Variants in GRHL2 observed in about 807,000 individuals in gnomAD.
The protein encoded by GRHL2 is grainyhead-like protein 2 homolog.
GRHL2 carries 21 observed loss-of-function variants against 83.8 expected under a neutral mutation model. The ratio of observed to expected loss-of-function variants is 0.25; its 90% CI spans 0.18 to 0.36. GRHL2 has a LOEUF of 0.36. Ranked by LOEUF, GRHL2 falls within the 10% of genes least tolerant of loss-of-function variation. The probability of loss-of-function intolerance (pLI) is 1.00; values close to 1 mark genes in which losing one functional copy is unlikely to be tolerated. For synonymous variants in GRHL2, 280 were observed against 278.9 expected (o/e 1.00, Z -0.04); for missense variants, 623 against 781.8 (o/e 0.80, Z 2.42).
chr8:101,545,443 G>GA (rs34421761), intron 2 of GRHL2, among the ~76,000 whole-genome samples: 18 of 58,906 alleles, frequency 3.1e-4, no homozygotes, highest in East Asian at 6.1e-4. Flanking sequence ...GGGAATTCCT[G>GA]AAAAAAAAAA....
At chr8:101,537,218 G>A (rs1025922946) in intron 1 of GRHL2, among the ~76,000 whole-genome samples, 3 of 152,148 alleles carry the variant, frequency 2.0e-5, no homozygotes, top group African/African-American at 7.2e-5. Flanking sequence ...AGGATTCTAT[G>A]TAGAAATACA....
intron 1 of GRHL2, among the ~76,000 whole-genome samples, chr8:101,501,554 A>C (rs73701908): frequency 3.4e-4 from 52 of 152,284 alleles, no homozygotes; most frequent in African/African-American, 1.1e-3. Context: ...AACTACTGTT[A>C]AGTTGCCAGT....
intron 8 of GRHL2, among the ~76,000 whole-genome samples, chr8:101,602,757 C>G (rs1005357053): frequency 3.3e-5 from 5 of 152,200 alleles, no homozygotes; most frequent in African/African-American, 1.2e-4. Context: ...CTAGCTTTGG[C>G]GAACATTTGA....
At chr8:101,492,864 T>C (rs1157470638) in intron 1 of GRHL2, 75 bp downstream of exon 1, 2 of 1,329,870 alleles carry the variant, frequency 1.5e-6, no homozygotes, top group African/African-American at 1.4e-5. Context: ...GTTATGTTTT[T>C]GTTTTTAAGT....
chr8:101,531,339 A>G (rs930221786), intron 1 of GRHL2, among the ~76,000 whole-genome samples: 3 of 152,058 alleles, frequency 2.0e-5, no homozygotes, highest in African/African-American at 7.2e-5. Context: ...ACTCATCTGT[A>G]TGAAGGGCAT....
chr8:101,502,576 T>G (rs1215412057), intron 1 of GRHL2, among the ~76,000 whole-genome samples: 1 of 152,208 alleles, frequency 6.6e-6, no homozygotes, highest in Non-Finnish European at 1.5e-5. Flanking sequence ...TAAAATGGGC[T>G]GGCAGGGACG....
At chr8:101,589,034 A>G (rs1398982906) in intron 7 of GRHL2, among the ~76,000 whole-genome samples, 1 of 152,134 alleles carries the variant, frequency 6.6e-6, no homozygotes. Context: ...CTGATTAACC[A>G]CTTTGGGCAG....
At chr8:101,619,462 T>G (rs1812919090) in intron 8 of GRHL2, 77 bp from the exon 9 acceptor site, 1 of 1,350,780 alleles carries the variant, frequency 7.4e-7, no homozygotes, top group Non-Finnish European at 1.1e-6. Flanking sequence ...TATTTTGACT[T>G]AAAGTCTAAA....
intron 12 of GRHL2, 56 bp downstream of exon 12, chr8:101,636,984 A>G (rs951850795): frequency 1.3e-6 from 2 of 1,496,342 alleles, no homozygotes. Flanking sequence ...GTCAGTGGTA[A>G]TGGCTCTTCC....
intron 14 of GRHL2, among the ~76,000 whole-genome samples, chr8:101,652,610 T>TG (rs1189536726): frequency 1.0e-5 from 1 of 100,222 alleles, no homozygotes; most frequent in Non-Finnish European, 1.8e-5. Flanking sequence ...GGTGTGTGTG[T>TG]GTGGTGTGTG....
chr8:101,602,710 C>G lies in GRHL2; in HGVS notation c.1098+3559C>G, dbSNP rs564507341. ...GAGGTACTGGGCTCTTTCTTTATTG[C>G]TTTCTCTAGCATTCTGCATTCTGGA... On this transcript the variant is annotated intron_variant, in intron 8 of 15. Coordinates refer to ENST00000646743, the MANE Select transcript of GRHL2 (RefSeq NM_024915.4). Among the ~76,000 whole-genome samples the G allele has an allele frequency of 3.9e-5, 6 of 152,272 alleles. No individual in the cohort carries two copies. The South Asian group carries it at 1.2e-3, about 32-fold the overall frequency.
chr8:101,538,532 GA>G (rs1811090333), intron 1 of GRHL2, among the ~76,000 whole-genome samples: 1 of 152,206 alleles, frequency 6.6e-6, no homozygotes. Context: ...CCTTGGGATC[GA>G]GTTTACAGTT....
intron 2 of GRHL2, among the ~76,000 whole-genome samples, chr8:101,545,293 T>C (rs765042853): frequency 1.2e-4 from 19 of 152,132 alleles, no homozygotes; most frequent in South Asian, 2.1e-4. Context: ...CACCCTCTTA[T>C]GAAGGCATAA....
intron 5 of GRHL2, among the ~76,000 whole-genome samples, chr8:101,572,235 A>C (rs1811842278): frequency 6.6e-6 from 1 of 152,194 alleles, no homozygotes; most frequent in South Asian, 2.1e-4. Flanking sequence ...TCCAGGTCTA[A>C]AATGTTATGA....
chr8:101,622,844 T>C (rs1035828506), intron 9 of GRHL2, among the ~76,000 whole-genome samples: 3 of 152,168 alleles, frequency 2.0e-5, no homozygotes, highest in Non-Finnish European at 4.4e-5. Context: ...CCCCTCCCAC[T>C]TTTCCCCAGA....
chr8:101,647,756 T>TTTTTC (rs2129685807), intron 13 of GRHL2, among the ~76,000 whole-genome samples: 1 of 109,364 alleles, frequency 9.1e-6, no homozygotes, highest in East Asian at 2.6e-4. Flanking sequence ...TTTTCTTTTT[T>TTTTTC]TTTCATACAC....
At chr8:101,578,506 G>A (rs1435420129) in intron 7 of GRHL2, among the ~76,000 whole-genome samples, 1 of 152,230 alleles carries the variant, frequency 6.6e-6, no homozygotes, top group African/African-American at 2.4e-5. Context: ...GCAGAGCAAA[G>A]TAGGGGAAGT....
chr8:101,556,962 T>C (rs1166827818), intron 3 of GRHL2, among the ~76,000 whole-genome samples: 3 of 152,090 alleles, frequency 2.0e-5, no homozygotes, highest in Admixed American at 6.6e-5. Flanking sequence ...CAGAGAATAG[T>C]GTAATAAACC....
chr8:101,505,062 G>A (rs912735572), intron 1 of GRHL2, among the ~76,000 whole-genome samples: 1 of 151,494 alleles, frequency 6.6e-6, no homozygotes, highest in East Asian at 1.9e-4. Context: ...CAAAACCAAA[G>A]CAATCTTCGG....
Sources: gnomAD v4.1 joint callset for allele counts (sites outside exome capture counted in the v4.1 genomes callset) on GRCh38, gnomAD v4.1.1 for gene constraint, MANE v1.5 for transcripts, NCBI Gene and HGNC (gene_info 2026-07-23, HGNC 2026-07-21) for gene names.